Variants in ANKRD17 observed in about 807,000 individuals in gnomAD.
ANKRD17 encodes ankyrin repeat domain 17, also known as ankyrin repeat domain-containing protein 17.
In ANKRD17, 19 loss-of-function variants were observed where a neutral mutation model predicts 229.7. That is an observed-to-expected ratio of 0.08 (90% confidence interval 0.06 to 0.12). ANKRD17 has a LOEUF of 0.12. Ranked by LOEUF, ANKRD17 falls within the 10% of genes least tolerant of loss-of-function variation. ANKRD17 has a pLI of 1.00. For synonymous variants in ANKRD17, 1,112 were observed against 1,146.1 expected (o/e 0.97, Z 0.60); for missense variants, 2,176 against 3,176.8 (o/e 0.68, Z 7.57).
In ANKRD17 at chr4:73,115,827, A is replaced by C. The variant is rs1259822243; in HGVS notation, c.4278T>G (p.Thr1426=). ...ATAGTGAACAACATATTACCTTATC[A>C]GTGATGGTTGCTATGTATCTCATAC... The part of the protein sequence containing the change: ...SECMRYIATI[T]DKEMLKKCHL... The change falls in exon 23 of 34, where the codon ACT becomes ACG. Residue 1426 remains threonine (T), a synonymous_variant. Transcript: ENST00000358602. 3.1e-6 allele frequency: 5 copies of C among 1,611,108 alleles called. No individual in the cohort carries two copies. The highest frequency in any genetic ancestry group is 4.2e-6 in the Non-Finnish European group (5 of 1,178,248).
intron 24 of ANKRD17, among the ~76,000 whole-genome samples, chr4:73,103,713 A>T (rs1328620520): frequency 1.3e-5 from 2 of 152,214 alleles, no homozygotes; most frequent in Non-Finnish European, 2.9e-5. Flanking sequence ...CAGTCCTCAT[A>T]AATTCATAAG....
intron 24 of ANKRD17, among the ~76,000 whole-genome samples, chr4:73,104,428 G>C (rs141947418): frequency 1.3e-5 from 2 of 152,200 alleles, no homozygotes; most frequent in African/African-American, 2.4e-5. Flanking sequence ...TGATTTTGTG[G>C]AACAGGTAAG....
In ANKRD17 at chr4:73,091,430, T is replaced by G; in HGVS notation, c.6198A>C (p.Ala2066=). The G allele has an allele frequency of 2.5e-6, 4 of 1,614,166 alleles. No individual in the cohort carries two copies. Among genetic ancestry groups the G allele is most frequent in the Non-Finnish European group, 3.4e-6 (4 of 1,180,026 alleles). ...AGGAAGATGCCACTTTATTTGGAGA[T>G]GCTGATCCACAATCCAAAGGGCTGT... The part of the protein sequence containing the change: ...SRNSPLDCGS[A]SPNKVASSSE... The change falls in exon 29 of 34, where the codon GCA becomes GCC. Residue 2066 remains alanine (A), a synonymous_variant. Coordinates refer to ENST00000358602, the MANE Select transcript of ANKRD17 (RefSeq NM_032217.5).
chr4:73,094,947 G>A (rs899120198), intron 27 of ANKRD17, among the ~76,000 whole-genome samples: 1 of 152,208 alleles, frequency 6.6e-6, no homozygotes, highest in African/African-American at 2.4e-5. Context: ...AAGGCAGGCA[G>A]ATCACTTTAT....
At chr4:73,250,420 G>A (rs1029697842) in intron 1 of ANKRD17, among the ~76,000 whole-genome samples, 18 of 151,566 alleles carry the variant, frequency 1.2e-4, no homozygotes, top group African/African-American at 4.1e-4. Flanking sequence ...GGCAAACATG[G>A]TGAAACCCTA....
At chr4:73,231,165 G>A (rs1379485872) in intron 1 of ANKRD17, among the ~76,000 whole-genome samples, 1 of 152,102 alleles carries the variant, frequency 6.6e-6, no homozygotes, top group African/African-American at 2.4e-5. Context: ...CAAAATGGAG[G>A]TCTAGGGGAC....
Position 73,085,343 on chromosome 4 carries a change from C to T in ANKRD17, c.7065G>A (p.Gly2355=). Residue 2355 remains glycine (G), a synonymous_variant, in exon 30 of 34, where the codon GGG becomes GGA. Coordinates refer to ENST00000358602, the MANE Select transcript of ANKRD17 (RefSeq NM_032217.5). Reference sequence around the variant, plus strand: ...CTGCGGGTGCTCCTCCAAGGGGTGCCCCAGGTCCGTACATCTGACCTCCTG... The same window carrying T: ...CTGCGGGTGCTCCTCCAAGGGGTGCTCCAGGTCCGTACATCTGACCTCCTG... ...NISGGQMYGP[G]APLGGAPAAA... is the part of the protein sequence containing the mutation. 1 of 1,614,018 alleles carries T rather than the reference C, an allele frequency of 6.2e-7. No homozygotes were observed. Among genetic ancestry groups the T allele is most frequent in the African/African-American group, 1.3e-5 (1 of 74,998 alleles).
Position 73,090,843 on chromosome 4 carries a change from G to C in ANKRD17, c.6785C>G (p.Pro2262Arg), listed in dbSNP as rs956216054. ...GPFSTLFENS[P>R]TSAHAFWGGS... The stretch of plus-strand genomic sequence containing the variant: ...TCCCCAGAAGGCATGAGCAGAAGTA[G>C]GGCTGTTTTCAAACAATGTGCTAAA... The change falls in exon 29 of 34, where the codon CCT becomes CGT. Residue 2262 changes from proline to arginine, a missense_variant. Physicochemically the swap from Pro to Arg is moderately radical, Grantham distance 103. Transcript: ENST00000358602. 19 of 1,614,116 alleles carry C rather than the reference G, an allele frequency of 1.2e-5. No individual in the cohort carries two copies. Among genetic ancestry groups the C allele is most frequent in the Non-Finnish European group, 1.4e-5 (17 of 1,180,054 alleles).
chr4:73,218,355 A>G (rs1436029977), intron 1 of ANKRD17, among the ~76,000 whole-genome samples: 3 of 152,192 alleles, frequency 2.0e-5, no homozygotes, highest in African/African-American at 7.2e-5. Context: ...TAAGATACCA[A>G]TGGCAGAGGC....
chr4:73,257,367 A>G (rs1745542296), intron 1 of ANKRD17, among the ~76,000 whole-genome samples: 1 of 152,170 alleles, frequency 6.6e-6, no homozygotes, highest in African/African-American at 2.4e-5. Flanking sequence ...GGACCCAGGA[A>G]AAATTATAAA....
chr4:73,159,268 G>A (rs1211671702), intron 3 of ANKRD17, among the ~76,000 whole-genome samples: 1 of 152,130 alleles, frequency 6.6e-6, no homozygotes, highest in Non-Finnish European at 1.5e-5. Flanking sequence ...GACATTTCCT[G>A]TATAAGAGCA....
At chr4:73,166,979 T>C (rs1301145818) in intron 2 of ANKRD17, among the ~76,000 whole-genome samples, 1 of 152,020 alleles carries the variant, frequency 6.6e-6, no homozygotes, top group Non-Finnish European at 1.5e-5. Context: ...AAGGAATTAC[T>C]TTTTTTTCCT....
intron 1 of ANKRD17, among the ~76,000 whole-genome samples, chr4:73,224,400 A>G (rs1476525181): frequency 6.6e-6 from 1 of 152,142 alleles, no homozygotes; most frequent in Non-Finnish European, 1.5e-5. Flanking sequence ...GAAATGGGAT[A>G]ATATTCATTC....
At chr4:73,121,253 A>T (rs967314684) in intron 19 of ANKRD17, 159 bp from the exon 20 acceptor site, 17 of 670,784 alleles carry the variant, frequency 2.5e-5, no homozygotes, top group Non-Finnish European at 3.8e-5. Context: ...TACTACCAAG[A>T]CTCCATTAGA....
intron 13 of ANKRD17, 34 bp from the exon 14 acceptor site, chr4:73,141,877 C>T: frequency 1.3e-6 from 2 of 1,506,058 alleles, no homozygotes; most frequent in South Asian, 1.2e-5. Flanking sequence ...CTATTAGTGT[C>T]CTACACAATC....
intron 8 of ANKRD17, among the ~76,000 whole-genome samples, chr4:73,148,447 T>C (rs1343130971): frequency 1.3e-5 from 2 of 152,210 alleles, no homozygotes; most frequent in African/African-American, 4.8e-5. Context: ...TTTAAAACAT[T>C]AGATCTATTA....
chr4:73,219,657 C>T (rs1741590955), intron 1 of ANKRD17, among the ~76,000 whole-genome samples: 1 of 152,140 alleles, frequency 6.6e-6, no homozygotes, highest in South Asian at 2.1e-4. Flanking sequence ...ACCCACTGTC[C>T]ATAGACAGAA....
chr4:73,218,365 C>T (rs1289265584), intron 1 of ANKRD17, among the ~76,000 whole-genome samples: 2 of 152,094 alleles, frequency 1.3e-5, no homozygotes, highest in East Asian at 3.8e-4. Context: ...ATGGCAGAGG[C>T]CGGCTGCAGT....
At chr4:73,134,369 A>C (rs964010488) in intron 16 of ANKRD17, among the ~76,000 whole-genome samples, 4 of 152,188 alleles carry the variant, frequency 2.6e-5, no homozygotes, top group African/African-American at 9.7e-5. Flanking sequence ...AAAACTAAGT[A>C]AACTGCAAAC....
Sources: gnomAD v4.1 joint callset for allele counts (sites outside exome capture counted in the v4.1 genomes callset) on GRCh38, gnomAD v4.1.1 for gene constraint, MANE v1.5 for transcripts, NCBI Gene and HGNC (gene_info 2026-07-23, HGNC 2026-07-21) for gene names.